The following GRXCR1 variants were observed in gnomAD, a reference collection of about 807,000 sequenced individuals.
GRXCR1 encodes the protein glutaredoxin domain-containing cysteine-rich protein 1.
In GRXCR1, 27 loss-of-function variants were observed where a neutral mutation model predicts 27.3. That is an observed-to-expected ratio of 0.99 (90% confidence interval 0.73 to 1.37). The LOEUF is 1.37. GRXCR1 is among the 40% of genes most tolerant of loss of function. GRXCR1 has a pLI of 0.00. For missense variants in GRXCR1, 379 were observed against 354.4 expected (o/e 1.07, Z -0.56); for synonymous variants, 122 against 131.1 (o/e 0.93, Z 0.47).
At chr4:43,028,808 A>G (rs948700049) in intron 3 of GRXCR1, among the ~76,000 whole-genome samples, 1 of 152,196 alleles carries the variant, frequency 6.6e-6, no homozygotes, top group Non-Finnish European at 1.5e-5. Context: ...AAAATCCATC[A>G]ACAAAGTGAC....
chr4:43,009,513 C>A (rs565497901), intron 2 of GRXCR1, among the ~76,000 whole-genome samples: 5 of 152,086 alleles, frequency 3.3e-5, no homozygotes, highest in Middle Eastern at 3.4e-3. Flanking sequence ...ATAAAAAATG[C>A]CATAAACTGG....
intron 2 of GRXCR1, among the ~76,000 whole-genome samples, chr4:42,974,245 T>A (rs1284179992): frequency 1.3e-5 from 2 of 152,048 alleles, no homozygotes; most frequent in African/African-American, 4.8e-5. Flanking sequence ...GTAGGAGGGA[T>A]GAAATCATCA....
At chr4:42,935,319 T>C (rs1747431228) in intron 1 of GRXCR1, among the ~76,000 whole-genome samples, 1 of 151,760 alleles carries the variant, frequency 6.6e-6, no homozygotes, top group African/African-American at 2.4e-5. Context: ...AAATTAAAAC[T>C]TGGGGGTCCA....
chr4:42,986,833 C>T (rs1288307325), intron 2 of GRXCR1, among the ~76,000 whole-genome samples: 1 of 151,970 alleles, frequency 6.6e-6, no homozygotes, highest in Non-Finnish European at 1.5e-5. Flanking sequence ...AGATATGTCT[C>T]CTTGTAGAGC....
intron 3 of GRXCR1, among the ~76,000 whole-genome samples, chr4:43,020,760 A>G (rs1206288214): frequency 6.6e-6 from 1 of 152,190 alleles, no homozygotes; most frequent in Non-Finnish European, 1.5e-5. Flanking sequence ...TATTTTTCCC[A>G]TGGATCTTCC....
chr4:43,026,114 C>G (rs1446753499), intron 3 of GRXCR1, among the ~76,000 whole-genome samples: 1 of 152,066 alleles, frequency 6.6e-6, no homozygotes, highest in Non-Finnish European at 1.5e-5. Flanking sequence ...TCATCAACTT[C>G]AGTTATTCAG....
At chr4:42,953,685 G>A (rs373701599) in intron 1 of GRXCR1, among the ~76,000 whole-genome samples, 1 of 152,200 alleles carries the variant, frequency 6.6e-6, no homozygotes, top group African/African-American at 2.4e-5. Flanking sequence ...TTTGATCATT[G>A]TGTAATTATG....
At position 42,893,464 on chromosome 4, in the gene GRXCR1, A is replaced by G; in HGVS notation, c.198A>G (p.Ile66Met). 1 of 1,613,874 alleles carries G rather than the reference A, an allele frequency of 6.2e-7. No homozygotes were observed. The highest frequency in any genetic ancestry group is 8.5e-7 in the Non-Finnish European group (1 of 1,179,838). ...GDSDGQQNGH[I>M]ESEGDENEND... ...CCGATGGACAGCAGAATGGCCACAT[A>G]GAGTCAGAAGGTGATGAGAATGAGA... Residue 66 changes from isoleucine to methionine, a missense_variant, in exon 1 of 4, where the codon ATA becomes ATG. Physicochemically the swap from Ile to Met is conservative, Grantham distance 10. Transcript: ENST00000399770.
intron 2 of GRXCR1, among the ~76,000 whole-genome samples, chr4:42,982,906 TG>T (rs1469117067): frequency 4.3e-4 from 66 of 152,136 alleles, no homozygotes; most frequent in East Asian, 2.7e-3. Flanking sequence ...TGGGGTTGTT[TG>T]TTTTTTTTTG....
In GRXCR1 at chr4:42,924,000, T is replaced by C. The variant is rs556990841; in HGVS notation, c.384+30350T>C. Among the ~76,000 whole-genome samples the C allele has an allele frequency of 1.1e-4, 16 of 152,196 alleles. No individual in the cohort carries two copies. The South Asian group carries it at 3.3e-3, about 32-fold the overall frequency. ...CATCATTGCAGTTATTGGTAATAAA[T>C]TGCCTGCCACAAATTGCACAACTGA... is the stretch of plus-strand genomic sequence containing the variant. On this transcript the variant is annotated intron_variant, in intron 1 of 3. Transcript: ENST00000399770.
chr4:42,990,804 G>A (rs1356895655), intron 2 of GRXCR1, among the ~76,000 whole-genome samples: 2 of 151,828 alleles, frequency 1.3e-5, no homozygotes, highest in African/African-American at 4.8e-5. Flanking sequence ...ATGGCTCTTT[G>A]GAAAGAATAT....
chr4:42,943,922 CA>C (rs1273230891), intron 1 of GRXCR1, among the ~76,000 whole-genome samples: 5 of 152,062 alleles, frequency 3.3e-5, no homozygotes, highest in South Asian at 4.2e-4. Flanking sequence ...CTCTTCCCTC[CA>C]GAAATTAAAA....
At chr4:42,920,561 A>G (rs1478041382) in intron 1 of GRXCR1, among the ~76,000 whole-genome samples, 1 of 152,136 alleles carries the variant, frequency 6.6e-6, no homozygotes, top group Admixed American at 6.6e-5. Context: ...CGTGGTTTGT[A>G]CAAAGCAGCC....
chr4:42,996,384 A>T (rs554200689), intron 2 of GRXCR1, among the ~76,000 whole-genome samples: 1 of 152,278 alleles, frequency 6.6e-6, no homozygotes, highest in East Asian at 1.9e-4. Context: ...CAAAGCAAAG[A>T]CATAAATTTA....
chr4:42,932,652 A>AGG (rs1747355803), intron 1 of GRXCR1, among the ~76,000 whole-genome samples: 1 of 137,578 alleles, frequency 7.3e-6, no homozygotes, highest in Admixed American at 7.3e-5. Flanking sequence ...AGAGAGAGAG[A>AGG]GAGAGAGAGA....
intron 2 of GRXCR1, among the ~76,000 whole-genome samples, chr4:42,995,207 A>G (rs989900525): frequency 5.3e-5 from 8 of 152,288 alleles, no homozygotes; most frequent in African/African-American, 1.9e-4. Flanking sequence ...GGTTCACTGT[A>G]TAAAGATTTT....
At chr4:43,028,616 T>C (rs1392182155) in intron 3 of GRXCR1, among the ~76,000 whole-genome samples, 1 of 152,242 alleles carries the variant, frequency 6.6e-6, no homozygotes, top group Non-Finnish European at 1.5e-5. Flanking sequence ...ATATTCTTTC[T>C]AGTATTTGAT....
chr4:43,023,332 C>A (rs1485016647), intron 3 of GRXCR1, among the ~76,000 whole-genome samples: 1 of 152,170 alleles, frequency 6.6e-6, no homozygotes, highest in Non-Finnish European at 1.5e-5. Context: ...GCAGTTATTT[C>A]AAGTGATGCT....
At chr4:43,007,640 A>T (rs568962006) in intron 2 of GRXCR1, among the ~76,000 whole-genome samples, 223 of 152,290 alleles carry the variant, frequency 1.5e-3, no homozygotes, top group Middle Eastern at 3.4e-3. Flanking sequence ...TAAAATAAAC[A>T]TTGCATGTAA....
Sources: gnomAD v4.1 joint callset for allele counts (sites outside exome capture counted in the v4.1 genomes callset) on GRCh38, gnomAD v4.1.1 for gene constraint, MANE v1.5 for transcripts, NCBI Gene and HGNC (gene_info 2026-07-23, HGNC 2026-07-21) for gene names.